The following C6 variants were observed in gnomAD, a reference collection of about 807,000 sequenced individuals.
C6 encodes the protein complement component C6.
A neutral mutation model predicts 112.9 loss-of-function variants in C6; 101 were observed. That is an observed-to-expected ratio of 0.89 (90% CI 0.76 to 1.06). The LOEUF is 1.06. Among genes scored for constraint, C6 ranks in the 50% least tolerant of loss-of-function variants. C6 has a pLI of 0.00. For missense variants in C6, 1,202 were observed against 1,104.6 expected (o/e 1.09, Z -1.25); for synonymous variants, 431 against 384.1 (o/e 1.12, Z -1.43).
chr5:41,215,511 TCTG>T (rs1191320503), upstream of C6, among the ~76,000 whole-genome samples: 1 of 152,158 alleles, frequency 6.6e-6, no homozygotes, highest in African/African-American at 2.4e-5. Flanking sequence ...AAAAACAAAG[TCTG>T]CTATGAAGTT....
intron 1 of C6, among the ~76,000 whole-genome samples, chr5:41,239,546 C>T (rs1024437222): frequency 9.2e-5 from 14 of 152,124 alleles, no homozygotes; most frequent in African/African-American, 3.4e-4. Flanking sequence ...CCCTACTATA[C>T]TATCAAACAT....
Position 41,203,085 on chromosome 5 carries a change from C to T in C6, c.143+3G>A. On this transcript the variant is annotated splice_donor_region_variant and intron_variant, in intron 2 of 17. Transcript: ENST00000337836. ...AAAGAAAAGCCACAAAGCTCACACC[C>T]ACCTGTGTCTGCTCTGGGTTCCAGA... 1.2e-6 allele frequency: 2 copies of T among 1,613,884 alleles called. No homozygotes were observed.
At position 41,149,940 on chromosome 5, in the gene C6, G is replaced by A. The variant is rs1561091803; in HGVS notation, c.2376C>T (p.Asp792=). 1 of 1,606,578 alleles carries A rather than the reference G, an allele frequency of 6.2e-7. No homozygotes were observed. Among genetic ancestry groups the A allele is most frequent in the Non-Finnish European group, 8.5e-7 (1 of 1,173,248 alleles). The change falls in exon 16 of 18, where the codon GAC becomes GAT. Residue 792 remains aspartate (D), a synonymous_variant. Transcript: ENST00000337836. ...GTCTGTAGGGTATCTCTTACCTACA[G>A]TCTTCTTCTGGAGACATACAAATGC... ...SECICMSPEE[D]CSHHSEDLCV... is the part of the protein sequence containing the mutation.
chr5:41,229,375 G>T (rs1006630515), intron 1 of C6, among the ~76,000 whole-genome samples: 2 of 149,434 alleles, frequency 1.3e-5, no homozygotes, highest in African/African-American at 4.9e-5. Flanking sequence ...AGTAAGTTAT[G>T]TTACCACTCT....
At chr5:41,199,982 G>A (rs1750889398) in intron 3 of C6, 70 bp from the exon 4 acceptor site, 1 of 1,441,932 alleles carries the variant, frequency 6.9e-7, no homozygotes, top group Non-Finnish European at 9.7e-7. Flanking sequence ...AAGAAAACTG[G>A]GCTCCTCAAT....
At chr5:41,183,531 G>A (rs1472593566) in intron 6 of C6, among the ~76,000 whole-genome samples, 1 of 152,162 alleles carries the variant, frequency 6.6e-6, no homozygotes, top group Non-Finnish European at 1.5e-5. Context: ...CACTGTTGGT[G>A]AGAATGTAAA....
At chr5:41,206,970 C>G (rs1400938250) in intron 1 of C6, among the ~76,000 whole-genome samples, 1 of 152,114 alleles carries the variant, frequency 6.6e-6, no homozygotes, top group Non-Finnish European at 1.5e-5. Flanking sequence ...TAAGGGCAGC[C>G]AGAGAGAAAG....
intron 1 of C6, among the ~76,000 whole-genome samples, chr5:41,223,024 C>T (rs1739275494): frequency 6.6e-6 from 1 of 152,070 alleles, no homozygotes; most frequent in Non-Finnish European, 1.5e-5. Flanking sequence ...TAAAACCTTC[C>T]AATTTGTTTT....
intron 1 of C6, among the ~76,000 whole-genome samples, chr5:41,227,005 A>C: frequency 6.6e-6 from 1 of 152,102 alleles, no homozygotes; most frequent in East Asian, 1.9e-4. Flanking sequence ...ATGGATTTCT[A>C]TTTTTAATCC....
intron 3 of C6, among the ~76,000 whole-genome samples, chr5:41,201,202 C>G (rs1206445411): frequency 6.6e-6 from 1 of 152,026 alleles, no homozygotes; most frequent in East Asian, 1.9e-4. Context: ...CACAAAACAT[C>G]CAAAATCCAA....
At chr5:41,229,855 A>G (rs879673181) in intron 1 of C6, among the ~76,000 whole-genome samples, 4 of 152,190 alleles carry the variant, frequency 2.6e-5, no homozygotes, top group Admixed American at 6.5e-5. Flanking sequence ...TTGGTGCTCA[A>G]TGTTCTTTTG....
In C6 at chr5:41,201,632, G is replaced by A. The variant is rs1404303337; in HGVS notation, c.226C>T (p.Gln76Ter). ...SKQETRECNW[Q>*]RCPINCLLGD... ...AGGAGGCAGTTGATGGGGCATCTTT[G>A]CCAGTTACATTCTCTAGTCTCCTGC... The change falls in exon 3 of 18, where the codon CAA (glutamine) becomes TAA (stop). Residue 76 changes from glutamine (Q) to a stop codon, truncating the protein, a stop_gained. Coordinates refer to ENST00000337836, the MANE Select transcript of C6 (RefSeq NM_000065.5). LOFTEE classifies it high-confidence loss of function. 12 of 1,613,578 alleles carry A rather than the reference G, an allele frequency of 7.4e-6. No homozygotes were observed. The highest frequency in any genetic ancestry group is 9.3e-6 in the Non-Finnish European group (11 of 1,179,834).
chr5:41,192,657 G>A (rs1286627629), intron 5 of C6, among the ~76,000 whole-genome samples: 1 of 151,398 alleles, frequency 6.6e-6, no homozygotes, highest in African/African-American at 2.4e-5. Context: ...CAAATTTGTT[G>A]GCATATTGCT....
intron 1 of C6, among the ~76,000 whole-genome samples, chr5:41,250,153 A>G (rs755026921): frequency 8.5e-5 from 13 of 152,152 alleles, no homozygotes; most frequent in Admixed American, 2.6e-4. Flanking sequence ...TTGCAGCGTC[A>G]CACCCTATTT....
At chr5:41,227,243 T>C (rs769275763) in intron 1 of C6, among the ~76,000 whole-genome samples, 4 of 152,180 alleles carry the variant, frequency 2.6e-5, no homozygotes, top group African/African-American at 7.2e-5. Flanking sequence ...CTGTTGGTCA[T>C]TTGTATGTCT....
intron 1 of C6, among the ~76,000 whole-genome samples, chr5:41,247,250 A>ATCTCTCCTAAT (rs1741076639): frequency 6.6e-6 from 1 of 152,154 alleles, no homozygotes; most frequent in Non-Finnish European, 1.5e-5. Context: ...AAGTCAAACT[A>ATCTCTCCTAAT]TCTCTCCTAA....
intron 1 of C6, among the ~76,000 whole-genome samples, chr5:41,207,024 T>A (rs1339306742): frequency 2.0e-5 from 3 of 152,086 alleles, no homozygotes; most frequent in Non-Finnish European, 4.4e-5. Context: ...TAAAAGCAGT[T>A]CTCTCAGCAG....
At chr5:41,213,747 GC>G (rs374687079), upstream of C6, among the ~76,000 whole-genome samples, 2 of 152,068 alleles carry the variant, frequency 1.3e-5, no homozygotes, top group African/African-American at 4.8e-5. Context: ...TAGATTAATT[GC>G]TTAAAATTGC....
chr5:41,206,145 C>T (rs1751418344), intron 1 of C6, among the ~76,000 whole-genome samples: 1 of 152,232 alleles, frequency 6.6e-6, no homozygotes, highest in Non-Finnish European at 1.5e-5. Context: ...AACAGACCTA[C>T]ACCTGAGGGT....
Sources: allele counts gnomAD v4.1 joint callset (sites outside exome capture counted in the v4.1 genomes callset), GRCh38; gene constraint gnomAD v4.1.1; transcripts MANE v1.5; gene names NCBI Gene and HGNC (gene_info 2026-07-23, HGNC 2026-07-21).